Variants in NR2C1 observed in about 807,000 individuals in gnomAD.
The protein encoded by NR2C1 is nuclear receptor subfamily 2 group C member 1, also known as TR2 nuclear hormone receptor.
In NR2C1, 33 loss-of-function variants were observed where a neutral mutation model predicts 74.8. The ratio of observed to expected loss-of-function variants is 0.44; its 90% confidence interval spans 0.33 to 0.59. NR2C1 has a LOEUF of 0.59. Among genes scored for constraint, NR2C1 ranks in the 20% least tolerant of loss-of-function variants. The pLI is 0.02. For synonymous variants in NR2C1, 225 were observed against 240.6 expected (o/e 0.94, Z 0.60); for missense variants, 568 against 715.6 (o/e 0.79, Z 2.35).
At chr12:95,031,547 C>T in intron 10 of NR2C1, 59 bp from the exon 11 acceptor site, 1 of 1,334,804 alleles carries the variant, frequency 7.5e-7, no homozygotes, top group Non-Finnish European at 1.0e-6. Context: ...TTTTATAAAC[C>T]TTACAGCTAG....
Position 95,049,192 on chromosome 12 carries a change from C to T in NR2C1, c.1007G>A (p.Ser336Asn). The stretch of plus-strand genomic sequence containing the variant: ...CGCTACTGAGCTCTGGCAGGCTGTG[C>T]TCTCTCCAGGATTCAATGCTTTTGC... ...TLAKALNPGE[S>N]TACQSSVAGM... is the part of the protein sequence containing the mutation. The change falls in exon 9 of 14, where the codon AGC becomes AAC. Residue 336 changes from serine (S) to asparagine (N), a missense_variant. Around this residue, in one of 6 missense-constraint regions of NR2C1, gnomAD observed 239 missense variants for 232.3 expected, o/e 1.03. Transcript: ENST00000333003. The T allele has an allele frequency of 6.2e-7, 1 of 1,614,108 alleles. No individual in the cohort carries two copies. The highest frequency in any genetic ancestry group is 8.5e-7 in the Non-Finnish European group (1 of 1,179,996).
intron 9 of NR2C1, among the ~76,000 whole-genome samples, chr12:95,048,199 G>A (rs749441690): frequency 1.3e-5 from 2 of 152,112 alleles, no homozygotes; most frequent in Non-Finnish European, 2.9e-5. Flanking sequence ...GTACTGCGAT[G>A]ACAGGTGGGA....
At chr12:95,050,765 G>A (rs56286255) in intron 8 of NR2C1, among the ~76,000 whole-genome samples, 1,982 of 151,982 alleles carry the variant, frequency 0.013, 43 homozygotes, top group African/African-American at 0.046. Context: ...TAAACGCAGT[G>A]TAGGAAAACC....
chr12:95,062,479 G>A (rs1183247698), intron 3 of NR2C1, 29 bp downstream of exon 3: 1 of 1,473,266 alleles, frequency 6.8e-7, no homozygotes, highest in South Asian at 1.2e-5. Flanking sequence ...ATATATGTAA[G>A]AGGAAAAGAC....
At chr12:95,032,879 A>G (rs1870320279) in intron 10 of NR2C1, among the ~76,000 whole-genome samples, 1 of 152,098 alleles carries the variant, frequency 6.6e-6, no homozygotes, top group Non-Finnish European at 1.5e-5. Flanking sequence ...AGGTGGGAGG[A>G]TCACCTAAGC....
intron 2 of NR2C1, chr12:95,062,975 C>G (rs912797490): frequency 5.5e-6 from 3 of 549,268 alleles, no homozygotes; most frequent in Admixed American, 6.4e-5. Flanking sequence ...CCCCTTCCCT[C>G]CCATGTTCCA....
At chr12:95,046,385 A>C (rs1471625521) in intron 9 of NR2C1, among the ~76,000 whole-genome samples, 1 of 152,188 alleles carries the variant, frequency 6.6e-6, no homozygotes, top group African/African-American at 2.4e-5. Context: ...CAGGAGTATA[A>C]GATAAGCCTG....
chr12:95,045,410 G>A (rs1328313344), intron 9 of NR2C1, among the ~76,000 whole-genome samples: 2 of 152,224 alleles, frequency 1.3e-5, no homozygotes, highest in Non-Finnish European at 1.5e-5. Flanking sequence ...CAAATATAAC[G>A]CTGGTACCAG....
intron 2 of NR2C1, chr12:95,067,056 C>G: frequency 6.2e-6 from 3 of 487,682 alleles, no homozygotes; most frequent in Non-Finnish European, 1.1e-5. Flanking sequence ...TTCCTACTCA[C>G]TCTACAGCTC....
chr12:95,053,839 A>G (rs1873426398), intron 7 of NR2C1, among the ~76,000 whole-genome samples: 1 of 151,912 alleles, frequency 6.6e-6, no homozygotes, highest in Non-Finnish European at 1.5e-5. Flanking sequence ...GCCCGCCACC[A>G]TGCCCAGCTA....
intron 7 of NR2C1, among the ~76,000 whole-genome samples, chr12:95,057,325 G>C (rs1874066427): frequency 6.6e-6 from 1 of 151,300 alleles, no homozygotes; most frequent in African/African-American, 2.4e-5. Flanking sequence ...GGCTGGTCTT[G>C]AACTTCTGAC....
At chr12:95,024,961 T>C (rs538149146) in intron 13 of NR2C1, among the ~76,000 whole-genome samples, 189 bp downstream of exon 13, 31 of 152,326 alleles carry the variant, frequency 2.0e-4, no homozygotes, top group African/African-American at 7.0e-4. Context: ...TTATAAAAAA[T>C]ATAAGAACTG....
intron 9 of NR2C1, 50 bp downstream of exon 9, chr12:95,049,018 T>C (rs1245078878): frequency 6.7e-7 from 1 of 1,503,008 alleles, no homozygotes; most frequent in Non-Finnish European, 9.2e-7. Flanking sequence ...GAAAGGTAGA[T>C]CAAAATCAAG....
In NR2C1 at chr12:95,022,172, T is replaced by G; in HGVS notation, c.*57A>C. The G allele has an allele frequency of 7.4e-7, 1 of 1,357,778 alleles. No homozygotes were observed. Among genetic ancestry groups the G allele is most frequent in the Non-Finnish European group, 9.8e-7 (1 of 1,015,618 alleles). 84.1% of individuals were successfully genotyped at this position (1,357,778 alleles called of 1,614,324 possible). A position where few individuals can be genotyped will look rare whatever the true frequency, so the allele number is the denominator to read the frequency against. On this transcript the variant is annotated 3_prime_UTR_variant, in exon 14 of 14. Transcript: ENST00000333003. ...TGCCTCAAAAGCAGTGAGTTCAATT[T>G]GGTGTCTTGTGTTCTGGCAAAGAAC...
intron 2 of NR2C1, among the ~76,000 whole-genome samples, chr12:95,065,588 C>T (rs1049057449): frequency 6.6e-6 from 1 of 152,026 alleles, no homozygotes; most frequent in Non-Finnish European, 1.5e-5. Context: ...GCATCCATCC[C>T]CTCAAGCATT....
intron 7 of NR2C1, among the ~76,000 whole-genome samples, chr12:95,053,617 A>G (rs1455786923): frequency 6.6e-6 from 1 of 150,408 alleles, no homozygotes. Flanking sequence ...TCTATGGCCT[A>G]CTGGGCCAAC....
rs115278596 is a variant in NR2C1, at chr12:95,054,662, T to C, written c.784-2719A>G. Among the ~76,000 whole-genome samples the C allele has an allele frequency of 3.2e-3, 494 of 152,340 alleles. 6 individuals are homozygous for C. The highest frequency in any genetic ancestry group is 0.012 in the African/African-American group (479 of 41,582). On this transcript the variant is annotated intron_variant, in intron 7 of 13. Transcript: ENST00000333003. ...TTCTTATATTTGAATAAAAAGTACA[T>C]TAGTTACAATTTTAAATGCTTTAAT... is the stretch of plus-strand genomic sequence containing the variant.
At chr12:95,040,418 T>C (rs1871378171) in intron 10 of NR2C1, 58 bp downstream of exon 10, 2 of 1,527,350 alleles carry the variant, frequency 1.3e-6, no homozygotes, top group Non-Finnish European at 1.8e-6. Context: ...AAAAGTTTTG[T>C]TTAATGTACA....
chr12:95,032,799 C>T (rs1016469157), intron 10 of NR2C1, among the ~76,000 whole-genome samples: 3 of 152,102 alleles, frequency 2.0e-5, no homozygotes, highest in African/African-American at 7.2e-5. Flanking sequence ...GAAACTCTAT[C>T]TCTACAAAAA....
Sources: gnomAD v4.1 joint callset for allele counts (sites outside exome capture counted in the v4.1 genomes callset) on GRCh38, gnomAD v4.1.1 for gene constraint, gnomAD v4.1.1 regional missense constraint, MANE v1.5 for transcripts, NCBI Gene and HGNC (gene_info 2026-07-23, HGNC 2026-07-21) for gene names.